Variants in CCDC40 observed in about 807,000 individuals in gnomAD.
CCDC40 encodes the protein coiled-coil domain 40 molecular ruler complex subunit.
In CCDC40, 104 loss-of-function variants were observed where a neutral mutation model predicts 124.5. The ratio of observed to expected loss-of-function variants is 0.84; its 90% CI spans 0.71 to 0.98. The LOEUF (loss-of-function observed/expected upper bound fraction) is 0.98. Ranked by LOEUF, CCDC40 falls within the 50% of genes least tolerant of loss-of-function variation. The pLI, the probability that CCDC40 is intolerant of heterozygous loss-of-function variation, is 0.00. For missense variants in CCDC40, 1,463 were observed against 1,503.9 expected, an observed-to-expected ratio of 0.97 and a Z score of 0.45; for synonymous variants, 580 against 602.9, an observed-to-expected ratio of 0.96 and a Z score of 0.56.
rs1174072501 is a variant in CCDC40 at position 80,048,477 on chromosome 17, A to C, written c.677-106A>C. 5 of 900,660 alleles carry C rather than the reference A, an allele frequency of 5.6e-6. No homozygotes were observed. The East Asian group carries it at 1.3e-4, about 24-fold the overall frequency. 55.8% of individuals were successfully genotyped at this position (900,660 alleles called of 1,614,324 possible). ...ATGCTTTTGCTGTCACTTTCCCATCATGCTGCATGAGGCATGACAGCAGCT... is the reference window on the plus strand; with the variant it reads ...ATGCTTTTGCTGTCACTTTCCCATCCTGCTGCATGAGGCATGACAGCAGCT... On this transcript the variant is annotated intron_variant, in intron 4 of 19. Coordinates refer to ENST00000397545, the MANE Select transcript of CCDC40 (RefSeq NM_017950.4).
Position 80,049,994 on chromosome 17 carries a change from G to C in CCDC40, c.939+5G>C. On this transcript the variant is annotated splice_donor_5th_base_variant and intron_variant, in intron 6 of 19. Coordinates refer to ENST00000397545, the MANE Select transcript of CCDC40 (RefSeq NM_017950.4). The stretch of plus-strand genomic sequence containing the variant: ...AAGCTGGACCTCCAAGAGCTGGTGT[G>C]TATCCGTCCAGTCTCCCACCCTGGT... 6.2e-7 allele frequency: 1 copy of C among 1,614,000 alleles called. No homozygotes were observed. Among genetic ancestry groups the C allele is most frequent in the Non-Finnish European group, 8.5e-7 (1 of 1,179,932 alleles).
At chr17:80,038,070 C>A in intron 1 of CCDC40, 53 bp from the exon 2 acceptor site, 2 of 1,250,980 alleles carry the variant, frequency 1.6e-6, no homozygotes, top group Non-Finnish European at 2.3e-6. Context: ...GGATAAGGAC[C>A]AAGAAAAAGA....
rs776919919 is a variant in CCDC40 at position 80,086,108 on chromosome 17, C to T, written c.2341C>T (p.Gln781Ter). The change falls in exon 14 of 20, where the codon CAG becomes TAG. Residue 781 changes from glutamine to a stop codon, truncating the protein, a stop_gained. Coordinates refer to ENST00000397545, the MANE Select transcript of CCDC40 (RefSeq NM_017950.4). LOFTEE classifies it high-confidence loss of function. The surrounding 1 kb of genome is among the most constrained non-coding windows in gnomAD (Gnocchi z 5.5). The stretch of plus-strand genomic sequence containing the variant: ...GGCCCAGGTGACCTGGCTGCGCCTG[C>T]AGCAGGAGATGGTCAAGGTGACACA... Reference protein sequence around the residue: ...VQAQVTWLRLQQEMVKVTQEQ... With the variant: ...VQAQVTWLRL 8.7e-6 allele frequency: 14 copies of T among 1,614,058 alleles called. 1 individual carries two copies. The South Asian group carries it at 1.5e-4, about 18-fold the overall frequency.
Position 80,067,953 on chromosome 17 carries a change from A to G in CCDC40, c.1562+2347A>G, listed in dbSNP as rs187823147. The G allele has an allele frequency of 5.8e-4, 666 of 1,140,030 alleles. 2 individuals carry two copies. Among genetic ancestry groups the G allele is most frequent in the East Asian group, 2.0e-3 (39 of 19,486 alleles). 70.6% of individuals were successfully genotyped at this position (1,140,030 alleles called of 1,614,324 possible). On this transcript the variant is annotated intron_variant, in intron 10 of 19. Coordinates refer to ENST00000397545, the MANE Select transcript of CCDC40 (RefSeq NM_017950.4). ...TATGTACACGCACAAACACTTCACA[A>G]CGAGTGAGAGAGCCTCTGACTTCAC...
rs1486454255 is a variant in CCDC40, at chr17:80,095,377, A to T, written c.2947A>T (p.Arg983Trp). 2 of 1,614,138 alleles carry T rather than the reference A, an allele frequency of 1.2e-6. No homozygotes were observed. Among genetic ancestry groups the T allele is most frequent in the Non-Finnish European group, 1.7e-6 (2 of 1,180,052 alleles). Residue 983 changes from arginine to tryptophan, a missense_variant, in exon 18 of 20, where the codon AGG (arginine) becomes TGG (tryptophan). Transcript: ENST00000397545. ...GGCCGAGGGGCAGCGCAAGATGGAC[A>T]GGAAGGCGCTCACCCGCACCGACTT... ...TQAEGQRKMDRKALTRTDFHH... is the reference protein window; with the variant it reads ...TQAEGQRKMDWKALTRTDFHH...
Position 80,087,856 on chromosome 17 carries a change from C to A in CCDC40, c.2619+80C>A. On this transcript the variant is annotated intron_variant, in intron 15 of 19. Coordinates refer to ENST00000397545, the MANE Select transcript of CCDC40 (RefSeq NM_017950.4). This position sits in a 1 kb window ranked among gnomAD's most constrained non-coding sequence, Gnocchi z 4.5. ...GGTCCTTGCGGTGGGCGTTCTGCAC[C>A]AGGATGTAATTTCCACACCCGTTCA... The A allele has an allele frequency of 1.4e-6, 2 of 1,407,408 alleles. No individual in the cohort carries two copies. The highest frequency in any genetic ancestry group is 2.0e-6 in the Non-Finnish European group (2 of 993,008). 87.2% of individuals were successfully genotyped at this position (1,407,408 alleles called of 1,614,324 possible). A position where few individuals can be genotyped will look rare whatever the true frequency, so the allele number is the denominator to read the frequency against.
chr17:80,038,256 C>T (rs2037180770), intron 2 of CCDC40, 70 bp downstream of exon 2: 4 of 1,028,646 alleles, frequency 3.9e-6, no homozygotes, highest in Non-Finnish European at 6.0e-6. Context: ...AGAGTACGGG[C>T]ACTGTGGCTC....
Position 80,037,690 on chromosome 17 carries a change from G to GATAT in CCDC40, c.30-431_30-428dup, listed in dbSNP as rs757748232. ...CTTGAATCTTTAATTTTTTAAAAAAGATATACATATATATATATATATATA... is the reference window on the plus strand; with the variant it reads ...CTTGAATCTTTAATTTTTTAAAAAAGATATATATACATATATATATATATATATA... On this transcript the variant is annotated intron_variant, in intron 1 of 19. Transcript: ENST00000397545. Among the ~76,000 whole-genome samples, 423 of 92,070 alleles carry GATAT rather than the reference G, an allele frequency of 4.6e-3. 24 individuals are homozygous for GATAT. Among genetic ancestry groups the GATAT allele is most frequent in the South Asian group, 0.016 (46 of 2,856 alleles). The allele number at this position is 92,070 out of a possible 152,430, so 60.4% of individuals were successfully genotyped here.
intron 7 of CCDC40, among the ~76,000 whole-genome samples, chr17:80,054,768 G>A (rs2037694464): frequency 6.6e-6 from 1 of 152,300 alleles, no homozygotes; most frequent in East Asian, 1.9e-4. Context: ...GAGGTCAGGA[G>A]TTCGAGACCA....
At chr17:80,064,903 C>CT (rs2037996840) in intron 9 of CCDC40, among the ~76,000 whole-genome samples, 1 of 152,056 alleles carries the variant, frequency 6.6e-6, no homozygotes, top group African/African-American at 2.4e-5. Context: ...CATGGCCTCC[C>CT]TACAGGAAGC....
intron 10 of CCDC40, 94 bp from the exon 11 acceptor site, chr17:80,081,452 C>T (rs2143733530): frequency 7.2e-7 from 1 of 1,391,708 alleles, no homozygotes; most frequent in Non-Finnish European, 1.0e-6. Flanking sequence ...GCATTGAGTT[C>T]GCCTTAGTGA....
intron 9 of CCDC40, among the ~76,000 whole-genome samples, chr17:80,064,234 C>A (rs55959152): frequency 0.096 from 14,607 of 152,226 alleles, 723 homozygotes; most frequent in Middle Eastern, 0.13. Flanking sequence ...GCGCTGCCCT[C>A]GGCTCCCCCG....
chr17:80,085,695 G>C lies in CCDC40; in HGVS notation c.2236-308G>C, dbSNP rs1226705944. 3.4e-5 allele frequency among the ~76,000 whole-genome samples: 5 copies of C among 147,176 alleles called. No individual in the cohort carries two copies. In the Admixed American group the frequency reaches 3.4e-4, roughly 10 times the overall value. Reference sequence around the variant, plus strand: ...TTTTTTTTTTTTTTTTTTCTGAGACGGAGTCTTGCTCTATTGCCCAGGCTG... The same window carrying C: ...TTTTTTTTTTTTTTTTTTCTGAGACCGAGTCTTGCTCTATTGCCCAGGCTG... On this transcript the variant is annotated intron_variant, in intron 13 of 19. Coordinates refer to ENST00000397545, the MANE Select transcript of CCDC40 (RefSeq NM_017950.4).
intron 3 of CCDC40, among the ~76,000 whole-genome samples, chr17:80,044,065 T>C (rs1041802479): frequency 2.0e-5 from 3 of 152,164 alleles, no homozygotes; most frequent in African/African-American, 7.2e-5. Context: ...GGATAGACAC[T>C]GTTCTGTGTT....
Position 80,058,727 on chromosome 17 carries a change from T to C in CCDC40, c.1317+76T>C. 2 of 1,602,188 alleles carry C rather than the reference T, an allele frequency of 1.2e-6. No individual in the cohort carries two copies. The highest frequency in any genetic ancestry group is 1.1e-5 in the South Asian group (1 of 90,706). ...CAAAAAGGGGCTCAGCTTTGCCTCC[T>C]GCGTGAAGGCTTCCGGCCGGAGGGG... On this transcript the variant is annotated intron_variant, in intron 8 of 19. Coordinates refer to ENST00000397545, the MANE Select transcript of CCDC40 (RefSeq NM_017950.4). The surrounding 1 kb of genome is among the most constrained non-coding windows in gnomAD (Gnocchi z 4.2).
intron 3 of CCDC40, among the ~76,000 whole-genome samples, chr17:80,042,708 C>T (rs1193193437): frequency 2.0e-5 from 3 of 152,144 alleles, no homozygotes; most frequent in South Asian, 2.1e-4. Flanking sequence ...TGAATAGAAG[C>T]GGTGAGAGCA....
intron 10 of CCDC40, among the ~76,000 whole-genome samples, chr17:80,069,019 C>T (rs570290388): frequency 2.6e-5 from 4 of 152,160 alleles, no homozygotes; most frequent in African/African-American, 7.2e-5. Flanking sequence ...GGAGGTGTCC[C>T]GCGAGCAGCC....
rs1568665022 is a variant in CCDC40, at chr17:80,037,691, ATATAC to A, written c.30-431_30-427del. On this transcript the variant is annotated intron_variant, in intron 1 of 19. Transcript: ENST00000397545. ...TTGAATCTTTAATTTTTTAAAAAAG[ATATAC>A]ATATATATATATATATATATATATT... Among the ~76,000 whole-genome samples, 121 of 75,942 alleles carry A rather than the reference ATATAC, an allele frequency of 1.6e-3. 2 individuals are homozygous for A. The highest frequency in any genetic ancestry group is 3.8e-3 in the South Asian group (9 of 2,354). 49.8% of individuals were successfully genotyped at this position (75,942 alleles called of 152,430 possible).
At position 80,065,564 on chromosome 17, in the gene CCDC40, A is replaced by T. The variant is rs563467821; in HGVS notation, c.1520A>T (p.Lys507Met). Residue 507 changes from lysine (K) to methionine (M), a missense_variant, in exon 10 of 20, where the codon AAG becomes ATG. Coordinates refer to ENST00000397545, the MANE Select transcript of CCDC40 (RefSeq NM_017950.4). ...QQWASSLVGMKHRDEAHRAVL... is the reference protein window; with the variant it reads ...QQWASSLVGMMHRDEAHRAVL... ...TGGGCCAGCAGCCTGGTGGGCATGA[A>T]GCACCGCGACGAGGCGCACAGGGCG... The T allele has an allele frequency of 1.7e-4, 279 of 1,612,820 alleles. 2 individuals are homozygous for T. The South Asian group carries it at 2.9e-3, about 17-fold the overall frequency.
Sources: gnomAD v4.1 joint callset for allele counts (sites outside exome capture counted in the v4.1 genomes callset) on GRCh38, gnomAD v4.1.1 for gene constraint, Gnocchi (gnomAD v3.1) non-coding constraint, MANE v1.5 for transcripts, NCBI Gene and HGNC (gene_info 2026-07-23, HGNC 2026-07-21) for gene names.